NHSL1: variants seen among roughly 807,000 people sequenced by gnomAD.
NHSL1 encodes the protein NHS-like protein 1.
A neutral mutation model predicts 95.0 loss-of-function variants in NHSL1; 48 were observed. The ratio of observed to expected loss-of-function variants is 0.51; its 90% CI spans 0.40 to 0.64. The LOEUF is 0.64. Ranked by LOEUF, NHSL1 falls within the 30% of genes least tolerant of loss-of-function variation. The pLI is 0.00. For synonymous variants in NHSL1, 783 were observed against 833.9 expected, an observed-to-expected ratio of 0.94 and a Z score of 1.05; for missense variants, 1,971 against 2,077.7, an observed-to-expected ratio of 0.95 and a Z score of 1.00.
intron 1 of NHSL1, among the ~76,000 whole-genome samples, chr6:138,612,748 TTTTA>T (rs1459716329): frequency 6.6e-6 from 1 of 152,250 alleles, no homozygotes; most frequent in Non-Finnish European, 1.5e-5. Context: ...AGCACTTACC[TTTTA>T]TTTGTGAACT....
intron 1 of NHSL1, among the ~76,000 whole-genome samples, chr6:138,585,047 C>G (rs1784112715): frequency 6.6e-6 from 1 of 152,174 alleles, no homozygotes; most frequent in African/African-American, 2.4e-5. Flanking sequence ...GCCTTTATTT[C>G]TTAGAGTTGT....
intron 1 of NHSL1, among the ~76,000 whole-genome samples, chr6:138,527,586 T>C (rs142112498): frequency 6.6e-6 from 1 of 152,188 alleles, no homozygotes; most frequent in East Asian, 1.9e-4. Context: ...AGCATTTACA[T>C]ATGAACAGTG....
At chr6:138,667,478 G>T (rs1390045705) in intron 1 of NHSL1, among the ~76,000 whole-genome samples, 1 of 152,116 alleles carries the variant, frequency 6.6e-6, no homozygotes, top group African/African-American at 2.4e-5. Context: ...AAAAAATTAA[G>T]GAGGATCGCA....
chr6:138,654,658 G>A (rs1372838385), intron 1 of NHSL1, among the ~76,000 whole-genome samples: 1 of 151,602 alleles, frequency 6.6e-6, no homozygotes, highest in East Asian at 1.9e-4. Context: ...AGTATTCTGG[G>A]CCAACGATTC....
chr6:138,505,466 T>A (rs1780909794), intron 1 of NHSL1, among the ~76,000 whole-genome samples: 1 of 151,878 alleles, frequency 6.6e-6, no homozygotes. Flanking sequence ...CCATCCTAGC[T>A]AAAATGGTGA....
chr6:138,606,857 C>A (rs1232054075), intron 1 of NHSL1, among the ~76,000 whole-genome samples: 1 of 151,944 alleles, frequency 6.6e-6, no homozygotes, highest in African/African-American at 2.4e-5. Context: ...TACCCGCCAC[C>A]GCACCTGGCT....
At chr6:138,480,415 T>A (rs548240258) in intron 2 of NHSL1, among the ~76,000 whole-genome samples, 5 of 152,306 alleles carry the variant, frequency 3.3e-5, no homozygotes, top group Non-Finnish European at 2.9e-5. Context: ...ACCCTCCAAG[T>A]TCAAATGTGT....
chr6:138,513,244 AT>A (rs1781312726), intron 1 of NHSL1, among the ~76,000 whole-genome samples: 1 of 152,230 alleles, frequency 6.6e-6, no homozygotes, highest in South Asian at 2.1e-4. Context: ...ACTTTAAAGC[AT>A]TCTTGTCACA....
At chr6:138,461,536 G>C (rs1465188482) in intron 3 of NHSL1, among the ~76,000 whole-genome samples, 1 of 152,184 alleles carries the variant, frequency 6.6e-6, no homozygotes, top group African/African-American at 2.4e-5. Flanking sequence ...AATGTCAAAT[G>C]CTGAGAGGTT....
At chr6:138,615,491 G>T (rs574516059) in intron 1 of NHSL1, among the ~76,000 whole-genome samples, 19 of 152,312 alleles carry the variant, frequency 1.2e-4, no homozygotes, top group African/African-American at 4.6e-4. Flanking sequence ...TTCTTTTTGA[G>T]ACGGAGTCTC....
intron 1 of NHSL1, among the ~76,000 whole-genome samples, chr6:138,551,257 C>A (rs1251066463): frequency 6.6e-6 from 1 of 152,052 alleles, no homozygotes; most frequent in Admixed American, 6.6e-5. Flanking sequence ...CGAACGTATC[C>A]CCCAAGGATA....
intron 4 of NHSL1, 81 bp downstream of exon 4, chr6:138,446,920 T>C: frequency 7.7e-7 from 1 of 1,304,124 alleles, no homozygotes; most frequent in Non-Finnish European, 1.1e-6. Flanking sequence ...GATGTAGCAA[T>C]GAAATGCTAA....
rs73573210 is a variant in NHSL1, at chr6:138,440,490, T to C, written c.664+1493A>G. Among the ~76,000 whole-genome samples the C allele has an allele frequency of 4.0e-3, 605 of 152,294 alleles. 3 individuals carry two copies. Among genetic ancestry groups the C allele is most frequent in the African/African-American group, 0.013 (542 of 41,534 alleles). On this transcript the variant is annotated intron_variant, in intron 5 of 7. Coordinates refer to ENST00000343505, the MANE Select transcript of NHSL1 (RefSeq NM_001144060.2). ...ACGGGAGCTGCTGCAGTCTTGCCTT[T>C]GTTTGTAATAAACCAATCCATGATA...
At chr6:138,546,055 TATTA>T (rs1288060449), upstream of NHSL1, among the ~76,000 whole-genome samples, 1 of 152,246 alleles carries the variant, frequency 6.6e-6, no homozygotes, top group Non-Finnish European at 1.5e-5. Flanking sequence ...AACCTTTTGC[TATTA>T]ATTATGACTT....
At position 138,623,855 on chromosome 6, in the gene NHSL1, G is replaced by A. The variant is rs181751393; in HGVS notation, c.96+68621C>T. Among the ~76,000 whole-genome samples the A allele has an allele frequency of 1.1e-4, 17 of 152,244 alleles. No individual in the cohort carries two copies. The East Asian group carries it at 1.5e-3, about 14-fold the overall frequency. ...TCATGGGGGTGGTTTTCCACATGCC[G>A]CTCTCGTGATAGTGAGTGAGTCTCA... On this transcript the variant is annotated intron_variant, in intron 1 of 3. Transcript: ENST00000491526.
At chr6:138,541,321 C>T (rs9495116) in intron 1 of NHSL1, among the ~76,000 whole-genome samples, 8,635 of 152,170 alleles carry the variant, frequency 0.057, 776 homozygotes, top group African/African-American at 0.19. Context: ...GAGCCAAGAT[C>T]GCACTACTGC....
intron 1 of NHSL1, among the ~76,000 whole-genome samples, chr6:138,568,508 A>G (rs1195455587): frequency 6.6e-6 from 1 of 152,234 alleles, no homozygotes; most frequent in Non-Finnish European, 1.5e-5. Context: ...TCAAAACATC[A>G]TCTACTACTG....
At chr6:138,679,421 G>GA (rs1785485457) in intron 1 of NHSL1, among the ~76,000 whole-genome samples, 1 of 152,198 alleles carries the variant, frequency 6.6e-6, no homozygotes, top group Admixed American at 6.5e-5. Flanking sequence ...TAGCTATGAT[G>GA]ATACACAGAA....
intron 1 of NHSL1, among the ~76,000 whole-genome samples, chr6:138,558,846 A>C (rs949462683): frequency 5.3e-5 from 8 of 152,206 alleles, no homozygotes; most frequent in Admixed American, 2.0e-4. Context: ...AGTGAAGACC[A>C]GCCTGGGCAA....
Sources: allele counts gnomAD v4.1 joint callset (sites outside exome capture counted in the v4.1 genomes callset), GRCh38; gene constraint gnomAD v4.1.1; transcripts MANE v1.5; gene names NCBI Gene and HGNC (gene_info 2026-07-23, HGNC 2026-07-21).